PUS10: variants seen among roughly 807,000 people sequenced by gnomAD.
PUS10 encodes the protein pseudouridine synthase 10, also known as tRNA pseudouridine synthase Pus10.
Under a neutral mutation model 75.0 loss-of-function variants are expected in PUS10, and 59 were observed. The ratio of observed to expected loss-of-function variants is 0.79; its 90% CI spans 0.64 to 0.98. The LOEUF (loss-of-function observed/expected upper bound fraction) is 0.98, where lower values mean the gene tolerates loss of function less well. Ranked by LOEUF, PUS10 falls within the 50% of genes least tolerant of loss-of-function variation. PUS10 has a pLI of 0.00. For missense variants in PUS10, 650 were observed against 614.4 expected (o/e 1.06, Z -0.61); for synonymous variants, 219 against 211.6 (o/e 1.03, Z -0.30).
At chr2:61,010,356 T>A (rs1679517666) in intron 2 of PUS10, 1 of 158,342 alleles carries the variant, frequency 6.3e-6, no homozygotes, top group African/African-American at 2.4e-5. Flanking sequence ...TCTCACACTG[T>A]TGCCCAGGCT....
intron 16 of PUS10, among the ~76,000 whole-genome samples, chr2:60,947,828 C>CA (rs890632119): frequency 0.065 from 2,979 of 45,540 alleles, 133 homozygotes; most frequent in East Asian, 0.14. Context: ...GACTCTGCCT[C>CA]AAAAAAAAAA....
intron 4 of PUS10, among the ~76,000 whole-genome samples, chr2:60,979,351 A>G (rs1280025396): frequency 6.6e-6 from 1 of 152,084 alleles, no homozygotes; most frequent in Non-Finnish European, 1.5e-5. Context: ...CTGCTCCATC[A>G]GGGCCTGTGC....
At chr2:61,016,728 T>C (rs1189316470) in intron 1 of PUS10, among the ~76,000 whole-genome samples, 1 of 152,126 alleles carries the variant, frequency 6.6e-6, no homozygotes, top group African/African-American at 2.4e-5. Context: ...TCTTGGACGA[T>C]TACAAAAACC....
chr2:60,942,311 G>A lies in PUS10; in HGVS notation c.*84C>T. ...AGTTTTCAAGACACCGTTATGGTGGGTAAACAGCCATTTTACGGCATGTGC... is the reference window on the plus strand; with the variant it reads ...AGTTTTCAAGACACCGTTATGGTGGATAAACAGCCATTTTACGGCATGTGC... On this transcript the variant is annotated 3_prime_UTR_variant, in exon 18 of 18. Transcript: ENST00000316752. 1 of 1,098,070 alleles carries A rather than the reference G, an allele frequency of 9.1e-7. No individual in the cohort carries two copies. Among genetic ancestry groups the A allele is most frequent in the Non-Finnish European group, 1.4e-6 (1 of 709,530 alleles). The allele number at this position is 1,098,070 out of a possible 1,614,324, so 68.0% of individuals were successfully genotyped here.
intron 5 of PUS10, among the ~76,000 whole-genome samples, chr2:60,969,126 A>G (rs990494171): frequency 2.6e-5 from 4 of 152,222 alleles, no homozygotes; most frequent in African/African-American, 9.6e-5. Context: ...GAATCCCAAA[A>G]ATGAGTTAAA....
chr2:61,005,098 T>C (rs1679120116), intron 4 of PUS10, among the ~76,000 whole-genome samples: 3 of 151,934 alleles, frequency 2.0e-5, no homozygotes, highest in South Asian at 4.1e-4. Context: ...CTACTAAAAA[T>C]ACAAAAATAA....
chr2:60,959,731 C>T (rs531188800), intron 11 of PUS10, among the ~76,000 whole-genome samples: 3 of 152,156 alleles, frequency 2.0e-5, no homozygotes, highest in Non-Finnish European at 4.4e-5. Flanking sequence ...TTCTCGAGTG[C>T]CTTGGCTGAA....
At chr2:60,950,448 C>G (rs1675266195) in intron 15 of PUS10, among the ~76,000 whole-genome samples, 1 of 152,096 alleles carries the variant, frequency 6.6e-6, no homozygotes, top group African/African-American at 2.4e-5. Context: ...GACAGAGTCT[C>G]ACTCTGTCCC....
At position 61,006,658 on chromosome 2, in the gene PUS10, C is replaced by T. The variant is rs370810553; in HGVS notation, c.382-15G>A. On this transcript the variant is annotated splice_polypyrimidine_tract_variant and intron_variant, in intron 3 of 17. Coordinates refer to ENST00000316752, the MANE Select transcript of PUS10 (RefSeq NM_144709.4). ...TTTTGGCACACCTGAAAAAGCATTA[C>T]AATTATGTAAATTCCCAGGAATTGC... 7.5e-6 allele frequency: 12 copies of T among 1,590,504 alleles called. No individual in the cohort carries two copies. The African/African-American group carries it at 1.5e-4, about 20-fold the overall frequency.
At chr2:61,003,250 T>G (rs1171986719) in intron 4 of PUS10, among the ~76,000 whole-genome samples, 2 of 152,074 alleles carry the variant, frequency 1.3e-5, no homozygotes, top group African/African-American at 4.8e-5. Flanking sequence ...TCACTTGCGA[T>G]CAGGAGTTTG....
chr2:60,989,160 T>C (rs1019587837), intron 4 of PUS10, among the ~76,000 whole-genome samples: 2 of 151,670 alleles, frequency 1.3e-5, no homozygotes, highest in Non-Finnish European at 2.9e-5. Context: ...AAAACAGGAG[T>C]TAAGCAGCAC....
chr2:60,988,043 C>T (rs1677833195), intron 4 of PUS10, among the ~76,000 whole-genome samples: 2 of 152,024 alleles, frequency 1.3e-5, no homozygotes, highest in Admixed American at 6.6e-5. Context: ...GAGCTGAGAT[C>T]GTACCACTGC....
chr2:60,976,092 CAT>C (rs1381284782), intron 4 of PUS10, among the ~76,000 whole-genome samples: 1 of 152,176 alleles, frequency 6.6e-6, no homozygotes, highest in Non-Finnish European at 1.5e-5. Context: ...TCAATAAACA[CAT>C]GTCCTTATAT....
chr2:61,000,957 C>T (rs1170213362), intron 4 of PUS10, among the ~76,000 whole-genome samples: 4 of 152,182 alleles, frequency 2.6e-5, no homozygotes, highest in Non-Finnish European at 4.4e-5. Flanking sequence ...GGTCTAAACA[C>T]CTGAACCCAT....
intron 16 of PUS10, 79 bp downstream of exon 16, chr2:60,947,964 A>C: frequency 1.3e-6 from 2 of 1,492,396 alleles, no homozygotes; most frequent in Non-Finnish European, 1.9e-6. Context: ...GACCAAGCTG[A>C]CCCTGTTTTC....
chr2:60,953,906 A>C, intron 14 of PUS10, 27 bp downstream of exon 14: 1 of 1,602,002 alleles, frequency 6.2e-7, no homozygotes, highest in Non-Finnish European at 8.6e-7. Flanking sequence ...TCCCTTTTGA[A>C]ATCATCTCCA....
chr2:61,006,889 C>G (rs1679247395), intron 3 of PUS10, among the ~76,000 whole-genome samples: 1 of 152,124 alleles, frequency 6.6e-6, no homozygotes, highest in Admixed American at 6.5e-5. Context: ...TGTTAAGTGT[C>G]AAAATAGCTT....
chr2:60,959,301 G>T (rs1476981645), intron 11 of PUS10, among the ~76,000 whole-genome samples: 1 of 152,238 alleles, frequency 6.6e-6, no homozygotes, highest in African/African-American at 2.4e-5. Flanking sequence ...GGCCAAGGCT[G>T]AGGTGTACCA....
chr2:60,945,151 CAACT>C, intron 16 of PUS10, 43 bp from the exon 17 acceptor site: 1 of 1,243,340 alleles, frequency 8.0e-7, no homozygotes, highest in Non-Finnish European at 1.2e-6. Flanking sequence ...CATGCTGTAC[CAACT>C]ATTTGGTAAG....
Sources: allele counts gnomAD v4.1 joint callset (sites outside exome capture counted in the v4.1 genomes callset), GRCh38; gene constraint gnomAD v4.1.1; transcripts MANE v1.5; gene names NCBI Gene and HGNC (gene_info 2026-07-23, HGNC 2026-07-21).